TIMD4: variants seen among roughly 807,000 people sequenced by gnomAD.
The protein encoded by TIMD4 is T-cell immunoglobulin and mucin domain-containing protein 4.
TIMD4 carries 31 observed loss-of-function variants against 41.2 expected under a neutral mutation model. That is an observed-to-expected ratio of 0.75 (90% CI 0.57 to 1.01). The LOEUF is 1.01. Among genes scored for constraint, TIMD4 ranks in the 50% least tolerant of loss-of-function variants. The probability of loss-of-function intolerance (pLI) is 0.00; values close to 1 mark genes in which losing one functional copy is unlikely to be tolerated. For synonymous variants in TIMD4, 204 were observed against 177.1 expected, an observed-to-expected ratio of 1.15 and a Z score of -1.21; for missense variants, 479 against 472.5, an observed-to-expected ratio of 1.01 and a Z score of -0.13.
chr5:156,963,155 C>G lies in TIMD4; in HGVS notation c.44G>C (p.Trp15Ser). 1 of 1,614,076 alleles carries G rather than the reference C, an allele frequency of 6.2e-7. No homozygotes were observed. Among genetic ancestry groups the G allele is most frequent in the Non-Finnish European group, 8.5e-7 (1 of 1,179,970 alleles). ...AGAACACTTACTCAGGTAAAGCCAC[C>G]AAAACTCAATCATCAGCCAGAGAAT... Reference protein sequence around the residue: ...PLILWLMIEFWWLYLTPVTSE... With the variant: ...PLILWLMIEFSWLYLTPVTSE... The change falls in exon 1 of 9, where the codon TGG becomes TCG. Residue 15 changes from tryptophan to serine, a missense_variant. Coordinates refer to ENST00000274532, the MANE Select transcript of TIMD4 (RefSeq NM_138379.3).
intron 5 of TIMD4, among the ~76,000 whole-genome samples, chr5:156,932,832 T>C (rs1759467172): frequency 6.6e-6 from 1 of 152,046 alleles, no homozygotes; most frequent in African/African-American, 2.4e-5. Context: ...GGTTAAACCC[T>C]GTCTCTACTA....
At chr5:156,939,994 G>A (rs1381305088) in intron 5 of TIMD4, among the ~76,000 whole-genome samples, 8 of 152,154 alleles carry the variant, frequency 5.3e-5, no homozygotes, top group Admixed American at 4.6e-4. Context: ...GCTTTCCACG[G>A]TCTCCCTCTG....
chr5:156,951,672 G>A lies in TIMD4; in HGVS notation c.519C>T (p.Thr173=), dbSNP rs1759859711. Residue 173 remains threonine (T), a synonymous_variant, in exon 3 of 9, where the codon ACC becomes ACT. Transcript: ENST00000274532. ...TPAALPTTVV[T]TPDLTTGTPL... The stretch of plus-strand genomic sequence containing the variant: ...GTGTTCCGGTTGTGAGATCGGGTGT[G>A]GTCACGACTGTTGTTGGAAGTGCAG... The A allele has an allele frequency of 3.7e-6, 6 of 1,613,982 alleles. No homozygotes were observed. Among genetic ancestry groups the A allele is most frequent in the Non-Finnish European group, 5.1e-6 (6 of 1,180,024 alleles).
At chr5:156,944,567 C>T (rs181477035) in intron 5 of TIMD4, among the ~76,000 whole-genome samples, 5 of 141,532 alleles carry the variant, frequency 3.5e-5, no homozygotes, top group South Asian at 2.2e-4. Flanking sequence ...TACAGTGGCG[C>T]GATCTCGGCT....
rs1753060866 is a variant in TIMD4, at chr5:156,961,821, A to AG, written c.58+1319_58+1320insC. On this transcript the variant is annotated intron_variant, in intron 1 of 8. Transcript: ENST00000274532. ...GAGACTCCGTCTCAAAAAAAAAAAA[A>AG]AAAAAAAAAAAAAAAGAAAGAAAAA... 6.9e-5 allele frequency among the ~76,000 whole-genome samples: 10 copies of AG among 144,018 alleles called. No individual in the cohort carries two copies. The South Asian group carries it at 1.7e-3, about 25-fold the overall frequency. 94.5% of individuals were successfully genotyped at this position (144,018 alleles called of 152,430 possible).
chr5:156,956,372 T>C (rs1759970425), intron 1 of TIMD4, among the ~76,000 whole-genome samples: 1 of 152,226 alleles, frequency 6.6e-6, no homozygotes, highest in Non-Finnish European at 1.5e-5. Context: ...CTGCATCAGC[T>C]ACTTGAGATG....
chr5:156,921,541 A>G (rs1561542923), intron 7 of TIMD4, among the ~76,000 whole-genome samples: 4 of 146,148 alleles, frequency 2.7e-5, no homozygotes, highest in Admixed American at 1.4e-4. Context: ...AATCACTTGA[A>G]CCCAGGAGGC....
At chr5:156,927,088 G>A (rs1759361343) in intron 5 of TIMD4, among the ~76,000 whole-genome samples, 1 of 152,246 alleles carries the variant, frequency 6.6e-6, no homozygotes, top group African/African-American at 2.4e-5. Flanking sequence ...GCCAAAGGTA[G>A]TGATGGAGCA....
At chr5:156,935,074 GATC>G (rs1482547746) in intron 5 of TIMD4, among the ~76,000 whole-genome samples, 1 of 152,118 alleles carries the variant, frequency 6.6e-6, no homozygotes, top group Non-Finnish European at 1.5e-5. Context: ...GCCCCCTGTG[GATC>G]ATGGGCGATA....
intron 3 of TIMD4, 41 bp downstream of exon 3, chr5:156,951,471 A>G (rs774703505): frequency 1.6e-5 from 25 of 1,608,408 alleles, no homozygotes; most frequent in Non-Finnish European, 2.1e-5. Context: ...TCATTCAGTG[A>G]GACAGCACTG....
At chr5:156,942,628 G>A (rs1404337765) in intron 5 of TIMD4, among the ~76,000 whole-genome samples, 2 of 152,316 alleles carry the variant, frequency 1.3e-5, no homozygotes, top group Non-Finnish European at 2.9e-5. Context: ...GCCACACTAA[G>A]TAGGGCTTCT....
intron 5 of TIMD4, among the ~76,000 whole-genome samples, chr5:156,946,707 G>T (rs1381029879): frequency 1.3e-5 from 2 of 150,590 alleles, no homozygotes; most frequent in Non-Finnish European, 3.0e-5. Flanking sequence ...GGATGGTCTT[G>T]ATCTCCTGAC....
chr5:156,954,649 T>TC lies in TIMD4; in HGVS notation c.165dup (p.Lys56GlufsTer17), dbSNP rs757255344. 35 of 1,614,152 alleles carry TC rather than the reference T, an allele frequency of 2.2e-5. No individual in the cohort carries two copies. The East Asian group carries it at 7.6e-4, about 35-fold the overall frequency. ...CAACCGGAGTAGGGGCACTGGTCTT[T>TC]CCCCCAGCACATGCTGTTGCTGTTG... On this transcript the variant is annotated frameshift_variant, in exon 2 of 9. Transcript: ENST00000274532. LOFTEE classifies it high-confidence loss of function.
At chr5:156,959,695 A>G (rs575165917) in intron 1 of TIMD4, among the ~76,000 whole-genome samples, 71 of 152,230 alleles carry the variant, frequency 4.7e-4, no homozygotes, top group Non-Finnish European at 6.5e-4. Context: ...TCCAGCTCTG[A>G]TCCTTGGTGA....
intron 1 of TIMD4, among the ~76,000 whole-genome samples, chr5:156,957,782 C>T (rs1310556189): frequency 6.6e-6 from 1 of 151,780 alleles, no homozygotes; most frequent in Non-Finnish European, 1.5e-5. Context: ...GAGCTATGAT[C>T]ATATCACTGG....
chr5:156,962,408 TAA>T (rs36062561), intron 1 of TIMD4, among the ~76,000 whole-genome samples: 13 of 151,744 alleles, frequency 8.6e-5, no homozygotes, highest in South Asian at 2.1e-4. Flanking sequence ...TGTATCCATT[TAA>T]AAAAAAAATG....
intron 5 of TIMD4, among the ~76,000 whole-genome samples, chr5:156,943,226 G>T (rs1202425872): frequency 6.6e-6 from 1 of 151,954 alleles, no homozygotes; most frequent in South Asian, 2.1e-4. Flanking sequence ...GTAAAGAAAA[G>T]AAAAAAATAG....
intron 1 of TIMD4, among the ~76,000 whole-genome samples, chr5:156,960,897 T>C (rs1760068928): frequency 6.6e-6 from 1 of 152,178 alleles, no homozygotes; most frequent in South Asian, 2.1e-4. Context: ...GGATGCGAAC[T>C]CATAGCAGAA....
chr5:156,942,633 G>A (rs978886479), intron 5 of TIMD4, among the ~76,000 whole-genome samples: 1 of 152,170 alleles, frequency 6.6e-6, no homozygotes, highest in Non-Finnish European at 1.5e-5. Context: ...ACTAAGTAGG[G>A]CTTCTTTGGT....
Sources: gnomAD v4.1 joint callset for allele counts (sites outside exome capture counted in the v4.1 genomes callset) on GRCh38, gnomAD v4.1.1 for gene constraint, MANE v1.5 for transcripts, NCBI Gene and HGNC (gene_info 2026-07-23, HGNC 2026-07-21) for gene names.